PARP10: variants seen among roughly 807,000 people sequenced by gnomAD.
The protein encoded by PARP10 is poly(ADP-ribose) polymerase family member 10, also known as protein mono-ADP-ribosyltransferase PARP10.
In PARP10, 56 loss-of-function variants were observed where a neutral mutation model predicts 82.4. That is an observed-to-expected ratio of 0.68 (90% CI 0.55 to 0.85). The LOEUF (loss-of-function observed/expected upper bound fraction) is 0.85. PARP10 is among the 40% of genes least tolerant of loss of function. The pLI is 0.00. For missense variants in PARP10, 1,227 were observed against 1,379.4 expected, an observed-to-expected ratio of 0.89 and a Z score of 1.75; for synonymous variants, 576 against 601.1, an observed-to-expected ratio of 0.96 and a Z score of 0.61.
At position 144,011,794 on chromosome 8, in the gene PARP10, C is replaced by T. The variant is rs782581598; in HGVS notation, c.-80+736G>A. ...AGATTTGGAATAGGGAACGCTGAGTCACCAGAAATGGAAACTCCAAGTTAT... is the reference window on the plus strand; with the variant it reads ...AGATTTGGAATAGGGAACGCTGAGTTACCAGAAATGGAAACTCCAAGTTAT... On this transcript the variant is annotated intron_variant, in intron 1 of 3. Coordinates refer to the PARP10 transcript ENST00000530478. This position sits in a 1 kb window ranked among gnomAD's most constrained non-coding sequence, Gnocchi z 4.5. Among the ~76,000 whole-genome samples, 1 of 152,086 alleles carries T rather than the reference C, an allele frequency of 6.6e-6. No homozygotes were observed. The highest frequency in any genetic ancestry group is 6.6e-5 in the Admixed American group (1 of 15,260).
At chr8:143,982,622 C>T (rs575527094) in intron 9 of PARP10, among the ~76,000 whole-genome samples, 2 of 152,362 alleles carry the variant, frequency 1.3e-5, no homozygotes, top group African/African-American at 2.4e-5. Flanking sequence ...ATGGCATCAC[C>T]GCCCCATGCT....
chr8:143,981,090 G>C (rs534540210), intron 9 of PARP10, among the ~76,000 whole-genome samples: 1 of 151,646 alleles, frequency 6.6e-6, no homozygotes, highest in African/African-American at 2.4e-5. Context: ...AGTCATCAAG[G>C]TGCTCACTAA....
intron 9 of PARP10, among the ~76,000 whole-genome samples, chr8:143,979,098 G>A (rs1405105191): frequency 2.0e-5 from 3 of 151,088 alleles, no homozygotes; most frequent in Admixed American, 1.3e-4. Context: ...TCAGCCTCCC[G>A]AATAGCTGGG....
At position 143,986,129 on chromosome 8, in the gene PARP10, C is replaced by T. The variant is rs781838853; in HGVS notation, c.107G>A (p.Arg36His). ...GCTCAACACAGGTCCCCCTCCAGAG[C>T]GTCGGCGGTTTTCAAAGTAGAGAGT... is the stretch of plus-strand genomic sequence containing the variant. ...LLTLYFENRRRSGGGPVLSWQ... is the reference protein window; with the variant it reads ...LLTLYFENRRHSGGGPVLSWQ... The change falls in exon 2 of 11, where the codon CGC becomes CAC. Residue 36 changes from arginine to histidine, a missense_variant. Transcript: ENST00000313028. The T allele has an allele frequency of 9.3e-6, 15 of 1,614,160 alleles. No individual in the cohort carries two copies. Among genetic ancestry groups the T allele is most frequent in the Non-Finnish European group, 1.2e-5 (14 of 1,180,024 alleles).
chr8:143,983,356 T>C lies in PARP10; in HGVS notation c.2233A>G (p.Thr745Ala). 2 of 1,607,948 alleles carry C rather than the reference T, an allele frequency of 1.2e-6. No individual in the cohort carries two copies. The highest frequency in any genetic ancestry group is 1.7e-6 in the Non-Finnish European group (2 of 1,178,886). Residue 745 changes from threonine to alanine, a missense_variant, in exon 8 of 11, where the codon ACA (threonine) becomes GCA (alanine). Thr to Ala is a moderately conservative substitution (Grantham distance 58). Coordinates refer to ENST00000313028, the MANE Select transcript of PARP10 (RefSeq NM_032789.5). ...QEETVGPWRR[T>A]LPAELRARLE... ...CGAGCACGCAGCTCTGCAGGCAGTG[T>C]GCGGCGCCAGGGCCCCACCGTCTCC...
chr8:144,006,052 C>G (rs73715600), intron 1 of PARP10, among the ~76,000 whole-genome samples: 5,789 of 152,218 alleles, frequency 0.038, 381 homozygotes, highest in African/African-American at 0.13. Context: ...GATCCTAGGG[C>G]CCCCCTAACC....
chr8:143,989,258 T>C (rs1188568321), upstream of PARP10, among the ~76,000 whole-genome samples: 2 of 152,208 alleles, frequency 1.3e-5, no homozygotes, highest in African/African-American at 4.8e-5. This position sits in a 1 kb window ranked among gnomAD's most constrained non-coding sequence, Gnocchi z 4.3. Flanking sequence ...CCAAGAGGAC[T>C]TGGGAGCTAA....
At chr8:143,978,874 C>T (rs183845251) in intron 9 of PARP10, among the ~76,000 whole-genome samples, 135 of 152,222 alleles carry the variant, frequency 8.9e-4, no homozygotes, top group African/African-American at 3.0e-3. Context: ...ACACAAGATC[C>T]GTGAAATGCC....
At chr8:143,990,199 G>T (rs1834068145), upstream of PARP10, 1 of 149,894 alleles carries the variant, frequency 6.7e-6, no homozygotes, top group Non-Finnish European at 1.5e-5. This position sits in a 1 kb window ranked among gnomAD's most constrained non-coding sequence, Gnocchi z 5.6. Context: ...CCCGGCCACC[G>T]GTGAGTCCCC....
rs1027601175 is a variant in PARP10, at chr8:144,001,039, G to A, written c.-80+11491C>T. On this transcript the variant is annotated intron_variant, in intron 1 of 3. Coordinates refer to the PARP10 transcript ENST00000530478. ...CACCATTCTCTTGCCTCAGCCTCTC[G>A]AGTAGCTGGGACTACAGGCGCCTGC... 4.7e-5 allele frequency among the ~76,000 whole-genome samples: 7 copies of A among 148,650 alleles called. No individual in the cohort carries two copies. The South Asian group carries it at 1.1e-3, about 23-fold the overall frequency.
chr8:143,985,376 A>C (rs1554749037), intron 4 of PARP10, 36 bp downstream of exon 4: 3 of 1,594,124 alleles, frequency 1.9e-6, no homozygotes, highest in Non-Finnish European at 2.6e-6. Context: ...TCTGCAGGAG[A>C]GGGACGGTCG....
At chr8:144,003,385 C>T (rs559772578) in intron 1 of PARP10, among the ~76,000 whole-genome samples, 4 of 146,582 alleles carry the variant, frequency 2.7e-5, no homozygotes, top group East Asian at 2.0e-4. Context: ...ATTGAGATTG[C>T]GCCACTGCAC....
chr8:143,984,027 G>C lies in PARP10; in HGVS notation c.1758C>G (p.Asp586Glu), dbSNP rs558327468. 6.6e-7 allele frequency: 1 copy of C among 1,520,868 alleles called. No individual in the cohort carries two copies. Among genetic ancestry groups the C allele is most frequent in the Non-Finnish European group, 8.8e-7 (1 of 1,135,438 alleles). 94.2% of individuals were successfully genotyped at this position (1,520,868 alleles called of 1,614,324 possible). The change falls in exon 7 of 11, where the codon GAC becomes GAG. Residue 586 changes from aspartate to glutamate, a missense_variant. Asp to Glu is a conservative substitution (Grantham distance 45). Transcript: ENST00000313028. The part of the protein sequence containing the change: ...TLWTPDSTGG[D>E]QEDVSLEEVR... ...CCCTACCCAGGCTCACGTCCTCCTG[G>C]TCACCACCTGTACTGTCTGGGGTCC... is the stretch of plus-strand genomic sequence containing the variant.
upstream of PARP10, among the ~76,000 whole-genome samples, chr8:143,996,067 C>T (rs140416186): frequency 3.7e-3 from 562 of 152,272 alleles, 2 homozygotes; most frequent in African/African-American, 0.012. Context: ...TTACTCAAGC[C>T]AAATCCTGTA....
At chr8:143,986,474 G>A (rs74780385), upstream of PARP10, 1,711 of 1,560,516 alleles carry the variant, frequency 1.1e-3, 20 homozygotes, top group African/African-American at 0.02. Flanking sequence ...ACTGAAAGAC[G>A]GAAGGAGGGA....
Position 143,983,420 on chromosome 8 carries a change from G to T in PARP10, c.2169C>A (p.Asp723Glu). The T allele has an allele frequency of 6.2e-7, 1 of 1,604,806 alleles. No individual in the cohort carries two copies. Residue 723 changes from aspartate (D) to glutamate (E), a missense_variant, in exon 8 of 11, where the codon GAC becomes GAA. Physicochemically the swap from Asp to Glu is conservative, Grantham distance 45. Transcript: ENST00000313028. ...SAFEQDVEEL[D>E]RALRAALEVH... ...CCTCCAAGGCAGCCCTGAGCGCCCGGTCCAGCTCCTCCACATCCTGCTCAA... is the reference window on the plus strand; with the variant it reads ...CCTCCAAGGCAGCCCTGAGCGCCCGTTCCAGCTCCTCCACATCCTGCTCAA...
At chr8:143,983,877 T>C in intron 7 of PARP10, 66 bp from the exon 8 acceptor site, 1 of 1,519,568 alleles carries the variant, frequency 6.6e-7, no homozygotes, top group Non-Finnish European at 8.8e-7. Flanking sequence ...GGATGAAAGA[T>C]GGGGAGCAAG....
upstream of PARP10, chr8:143,990,965 C>T (rs1305435664): frequency 3.5e-6 from 1 of 284,944 alleles, no homozygotes; most frequent in Non-Finnish European, 6.6e-6. The surrounding 1 kb of genome is among the most constrained non-coding windows in gnomAD (Gnocchi z 5.6). Flanking sequence ...TCGCCCGGCC[C>T]CTCCCCCACC....
chr8:144,007,985 G>A (rs1834246049), intron 1 of PARP10, among the ~76,000 whole-genome samples: 1 of 152,194 alleles, frequency 6.6e-6, no homozygotes, highest in South Asian at 2.1e-4. Flanking sequence ...CTGAAGTGTA[G>A]GAGAGCAATG....
Sources: allele counts gnomAD v4.1 joint callset (sites outside exome capture counted in the v4.1 genomes callset), GRCh38; gene constraint gnomAD v4.1.1; non-coding constraint Gnocchi (gnomAD v3.1); transcripts MANE v1.5; gene names NCBI Gene and HGNC (gene_info 2026-07-23, HGNC 2026-07-21).